Variants in FLRT3 observed in about 807,000 individuals in gnomAD.
FLRT3 encodes leucine-rich repeat transmembrane protein FLRT3.
A neutral mutation model predicts 42.6 loss-of-function variants in FLRT3; 17 were observed. The observed-to-expected ratio is 0.40, with a 90% CI of 0.27 to 0.60. The LOEUF is 0.60. Ranked by LOEUF, FLRT3 falls within the 20% of genes least tolerant of loss-of-function variation. FLRT3 has a pLI of 0.44. For missense variants in FLRT3, 635 were observed against 789.2 expected (o/e 0.80, Z 2.34); for synonymous variants, 279 against 286.4 (o/e 0.97, Z 0.26).
Position 14,325,060 on chromosome 20 carries a change from T to G in FLRT3, c.*497A>C, listed in dbSNP as rs1555780778. The G allele has an allele frequency of 6.6e-6, 1 of 152,594 alleles. No individual in the cohort carries two copies. The highest frequency in any genetic ancestry group is 2.1e-4 in the South Asian group (1 of 4,828). 9.5% of individuals were successfully genotyped at this position (152,594 alleles called of 1,614,324 possible). A position where few individuals can be genotyped will look rare whatever the true frequency, so the allele number is the denominator to read the frequency against. On this transcript the variant is annotated 3_prime_UTR_variant, in exon 3 of 3. Coordinates refer to ENST00000341420, the MANE Select transcript of FLRT3 (RefSeq NM_198391.3). ...AATACAAATTTAATAATTGGAACAT[T>G]ATTTCATAACCATTTTTTAAAATTA...
At chr20:14,330,362 C>T (rs750789160) in intron 1 of FLRT3, among the ~76,000 whole-genome samples, 5 of 151,940 alleles carry the variant, frequency 3.3e-5, no homozygotes, top group Non-Finnish European at 7.4e-5. Context: ...ATGTAGGGAA[C>T]ATTTGAGTAT....
chr20:14,333,419 T>C (rs2122623602), intron 1 of FLRT3, among the ~76,000 whole-genome samples: 1 of 152,300 alleles, frequency 6.6e-6, no homozygotes, highest in Middle Eastern at 3.4e-3. Context: ...GAATGCTGCT[T>C]CCTTTTATGA....
chr20:14,327,593 A>T (rs746498865), intron 2 of FLRT3, 35 bp from the exon 3 acceptor site: 245 of 1,388,570 alleles, frequency 1.8e-4, no homozygotes, highest in Non-Finnish European at 2.3e-4. Context: ...ACAGAAAACA[A>T]TAAGGCCAGC....
rs1456731414 is a variant in FLRT3, at chr20:14,327,438, A to G, written c.69T>C (p.Pro23=). 6.2e-7 allele frequency: 1 copy of G among 1,613,540 alleles called. No individual in the cohort carries two copies. The highest frequency in any genetic ancestry group is 8.5e-7 in the Non-Finnish European group (1 of 1,179,616). The change falls in exon 3 of 3, where the codon CCT becomes CCC. Residue 23 remains proline (P), a synonymous_variant. Transcript: ENST00000341420. ...GACAGGATTTAGCCATAACTGATAG[A>G]GGTGCTACTTGAAGGAACAGCCCAA... is the stretch of plus-strand genomic sequence containing the variant. ...TKIGLFLQVA[P]LSVMAKSCPS... is the part of the protein sequence containing the mutation.
chr20:14,331,338 G>GGAA, intron 1 of FLRT3, among the ~76,000 whole-genome samples: 1 of 152,036 alleles, frequency 6.6e-6, no homozygotes, highest in East Asian at 1.9e-4. Flanking sequence ...GTGAAAAGAC[G>GGAA]GAAGATTAAT....
chr20:14,331,587 A>G (rs1188728981), intron 1 of FLRT3, among the ~76,000 whole-genome samples: 1 of 152,162 alleles, frequency 6.6e-6, no homozygotes, highest in African/African-American at 2.4e-5. Context: ...AATGAAGATT[A>G]CGTTCAGAGC....
Position 14,326,834 on chromosome 20 carries a change from C to T in FLRT3, c.673G>A (p.Val225Ile). ...GLGDKVFFNL[V>I]NLTELSLVRN... ...ACCAGGGACAGCTCTGTCAAATTAA[C>T]TAGGTTGAAGAAAACTTTGTCACCT... The change falls in exon 3 of 3, where the codon GTT becomes ATT. Residue 225 changes from valine (V) to isoleucine (I), a missense_variant. Val to Ile is a conservative substitution (Grantham distance 29, BLOSUM62 3). Transcript: ENST00000341420. The surrounding 1 kb of genome is among the most constrained non-coding windows in gnomAD (Gnocchi z 5.5). 6.2e-7 allele frequency: 1 copy of T among 1,613,692 alleles called. No individual in the cohort carries two copies. The highest frequency in any genetic ancestry group is 8.5e-7 in the Non-Finnish European group (1 of 1,179,780).
In FLRT3 at chr20:14,326,691, C is replaced by A. The variant is rs1353894693; in HGVS notation, c.816G>T (p.Gln272His). 6.2e-7 allele frequency: 1 copy of A among 1,613,708 alleles called. No individual in the cohort carries two copies. The highest frequency in any genetic ancestry group is 1.3e-5 in the African/African-American group (1 of 74,988). The change falls in exon 3 of 3, where the codon CAG (glutamine) becomes CAT (histidine). Residue 272 changes from glutamine to histidine, a missense_variant. Coordinates refer to ENST00000341420, the MANE Select transcript of FLRT3 (RefSeq NM_198391.3). The surrounding 1 kb of genome is among the most constrained non-coding windows in gnomAD (Gnocchi z 5.5). Reference protein sequence around the residue: ...VPPNAFSYLRQLYRLDMSNNN... With the variant: ...VPPNAFSYLRHLYRLDMSNNN... ...TATTGGACATATCCAGTCGATAGAG[C>A]TGCCTTAGATAAGAAAAAGCATTTG...
rs554285696 is a variant in FLRT3 at position 14,331,255 on chromosome 20, C to A, written c.-246-1928G>T. ...GTGTCTGGACTATATATATATTTCACCAAATAAGGCTCTAACAATATGTAT... is the reference window on the plus strand; with the variant it reads ...GTGTCTGGACTATATATATATTTCAACAAATAAGGCTCTAACAATATGTAT... On this transcript the variant is annotated intron_variant, in intron 1 of 2. Transcript: ENST00000341420. 2.1e-3 allele frequency among the ~76,000 whole-genome samples: 314 copies of A among 152,104 alleles called. 2 individuals are homozygous for A. Among genetic ancestry groups the A allele is most frequent in the African/African-American group, 7.4e-3 (307 of 41,498 alleles).
Position 14,328,041 on chromosome 20 carries a change from G to A in FLRT3, c.-52-483C>T, listed in dbSNP as rs553403686. 1.4e-4 allele frequency among the ~76,000 whole-genome samples: 22 copies of A among 152,086 alleles called. No homozygotes were observed. The East Asian group carries it at 3.5e-3, about 24-fold the overall frequency. On this transcript the variant is annotated intron_variant, in intron 2 of 2. Coordinates refer to ENST00000341420, the MANE Select transcript of FLRT3 (RefSeq NM_198391.3). ...TTTATTAGGCAAAAACTATACAGGT[G>A]TAGAAAAATGTCATAAAAATACCTA...
Position 14,326,720 on chromosome 20 carries a change from G to T in FLRT3, c.787C>A (p.Pro263Thr). 1 of 1,613,696 alleles carries T rather than the reference G, an allele frequency of 6.2e-7. No individual in the cohort carries two copies. Among genetic ancestry groups the T allele is most frequent in the South Asian group, 1.1e-5 (1 of 91,074 alleles). The change falls in exon 3 of 3, where the codon CCC becomes ACC. Residue 263 changes from proline to threonine, a missense_variant. Pro to Thr is a conservative substitution (Grantham distance 38). Coordinates refer to ENST00000341420, the MANE Select transcript of FLRT3 (RefSeq NM_198391.3). This position sits in a 1 kb window ranked among gnomAD's most constrained non-coding sequence, Gnocchi z 5.5. ...CTTAGATAAGAAAAAGCATTTGGGG[G>T]CACCCGATTGATGTGGTTATCTTGA... is the stretch of plus-strand genomic sequence containing the variant. ...YLQDNHINRV[P>T]PNAFSYLRQL...
At chr20:14,330,138 C>T (rs1477257650) in intron 1 of FLRT3, among the ~76,000 whole-genome samples, 1 of 152,026 alleles carries the variant, frequency 6.6e-6, no homozygotes, top group African/African-American at 2.4e-5. Flanking sequence ...TGGGGCATTT[C>T]TCTCTAGGTT....
rs745559008 is a variant in FLRT3 at position 14,326,072 on chromosome 20, T to C, written c.1435A>G (p.Met479Val). ...AGGTTGCTGGTTTCCATGGGAACCA[T>C]GCATACTTTATAGGGTGAATCAGGC... ...LEPDSPYKVC[M>V]VPMETSNLYL... Residue 479 changes from methionine (M) to valine (V), a missense_variant, in exon 3 of 3, where the codon ATG becomes GTG. Transcript: ENST00000341420. This position sits in a 1 kb window ranked among gnomAD's most constrained non-coding sequence, Gnocchi z 5.5. 3.1e-6 allele frequency: 5 copies of C among 1,613,936 alleles called. No homozygotes were observed. The East Asian group carries it at 1.1e-4, about 36-fold the overall frequency.
intron 1 of FLRT3, among the ~76,000 whole-genome samples, chr20:14,330,167 G>C (rs1381761600): frequency 6.6e-6 from 1 of 152,030 alleles, no homozygotes; most frequent in Non-Finnish European, 1.5e-5. Flanking sequence ...AATATTGCCA[G>C]TTTTTAATAA....
chr20:14,335,234 A>AGTGTTCATTAGGGTCTT (rs2082915831), intron 1 of FLRT3, among the ~76,000 whole-genome samples: 1 of 152,164 alleles, frequency 6.6e-6, no homozygotes, highest in Non-Finnish European at 1.5e-5. Flanking sequence ...AGAGAGACTG[A>AGTGTTCATTAGGGTCTT]GTGTTCATTA....
intron 1 of FLRT3, among the ~76,000 whole-genome samples, chr20:14,334,987 C>T (rs549836783): frequency 6.6e-6 from 1 of 151,706 alleles, no homozygotes; most frequent in African/African-American, 2.4e-5. Context: ...TTTTCATTGA[C>T]CAGATTTAAT....
rs1601484008 is a variant in FLRT3 at position 14,327,228 on chromosome 20, G to A, written c.279C>T (p.Asn93=). The part of the protein sequence containing the change: ...LKVERIYLYH[N]SLDEFPTNLP... The stretch of plus-strand genomic sequence containing the variant: ...GGTTGGTAGGAAATTCATCTAAACT[G>A]TTGTGGTATAGGTATATTCTTTCTA... Residue 93 remains asparagine (N), a synonymous_variant, in exon 3 of 3, where the codon AAC becomes AAT. Transcript: ENST00000341420. 6.2e-7 allele frequency: 1 copy of A among 1,613,702 alleles called. No homozygotes were observed. The highest frequency in any genetic ancestry group is 8.5e-7 in the Non-Finnish European group (1 of 1,179,738).
In FLRT3 at chr20:14,323,484, A is replaced by G. The variant is rs2082686826; in HGVS notation, c.*2073T>C. The G allele has an allele frequency of 6.6e-6, 1 of 152,060 alleles. No homozygotes were observed. Among genetic ancestry groups the G allele is most frequent in the Non-Finnish European group, 1.5e-5 (1 of 67,996 alleles). 9.4% of individuals were successfully genotyped at this position (152,060 alleles called of 1,614,324 possible). A position where few individuals can be genotyped will look rare whatever the true frequency, so the allele number is the denominator to read the frequency against. On this transcript the variant is annotated 3_prime_UTR_variant, in exon 3 of 3. Transcript: ENST00000341420. ...ATCTTGACCTTTTGTTTTTTTATGG[A>G]GGCTTGATTACATAGGCATGCTTGA...
chr20:14,335,565 A>G (rs2122637720), intron 1 of FLRT3, among the ~76,000 whole-genome samples: 1 of 152,324 alleles, frequency 6.6e-6, no homozygotes, highest in African/African-American at 2.4e-5. Flanking sequence ...CCAATTATAT[A>G]TCTCACAAAC....
Sources: gnomAD v4.1 joint callset for allele counts (sites outside exome capture counted in the v4.1 genomes callset) on GRCh38, gnomAD v4.1.1 for gene constraint, Gnocchi (gnomAD v3.1) non-coding constraint, MANE v1.5 for transcripts, NCBI Gene and HGNC (gene_info 2026-07-23, HGNC 2026-07-21) for gene names.